The following PRKCQ variants were observed in gnomAD, a reference collection of about 807,000 sequenced individuals.
PRKCQ encodes protein kinase C theta.
PRKCQ carries 41 observed loss-of-function variants against 91.2 expected under a neutral mutation model. That is an observed-to-expected ratio of 0.45 (90% CI 0.35 to 0.58). PRKCQ has a LOEUF of 0.58. Ranked by LOEUF, PRKCQ falls within the 20% of genes least tolerant of loss-of-function variation. PRKCQ has a pLI of 0.00. For synonymous variants in PRKCQ, 307 were observed against 316.9 expected (o/e 0.97, Z 0.33); for missense variants, 673 against 896.5 (o/e 0.75, Z 3.18).
At chr10:6,461,096 CATT>C (rs1413952376) in intron 14 of PRKCQ, among the ~76,000 whole-genome samples, 1 of 128,468 alleles carries the variant, frequency 7.8e-6, no homozygotes, top group African/African-American at 2.8e-5. Context: ...ATTTATCCAT[CATT>C]TATCCATCCA....
chr10:6,477,673 G>A, intron 12 of PRKCQ, among the ~76,000 whole-genome samples: 1 of 152,174 alleles, frequency 6.6e-6, no homozygotes, highest in Non-Finnish European at 1.5e-5. Context: ...TTTGAGACCA[G>A]CCTGGCCAAC....
chr10:6,404,942 C>CCATCCTTT, the PRKCQ span, among the ~76,000 whole-genome samples: 69 of 62,590 alleles, frequency 1.1e-3, no homozygotes, highest in African/African-American at 4.7e-3. Context: ...CCCTTCCCTT[C>CCATCCTTT]CTTCCTTCCT....
intron 15 of PRKCQ, among the ~76,000 whole-genome samples, chr10:6,451,210 A>G (rs1353884753): frequency 6.7e-6 from 1 of 149,132 alleles, no homozygotes; most frequent in African/African-American, 2.5e-5. Context: ...AGAGAGAAGA[A>G]TCATATAAAC....
At chr10:6,451,690 C>G (rs1834689698) in intron 15 of PRKCQ, among the ~76,000 whole-genome samples, 1 of 152,048 alleles carries the variant, frequency 6.6e-6, no homozygotes, top group Non-Finnish European at 1.5e-5. Flanking sequence ...AAAATACTGG[C>G]AAACCGAATC....
intron 16 of PRKCQ, among the ~76,000 whole-genome samples, chr10:6,437,714 T>C (rs1012428364): frequency 1.3e-5 from 2 of 151,830 alleles, no homozygotes; most frequent in Non-Finnish European, 2.9e-5. Context: ...TGCAGTGGTG[T>C]GATCTCGGTT....
the PRKCQ span, among the ~76,000 whole-genome samples, chr10:6,413,537 G>GCA: frequency 2.2e-3 from 123 of 56,960 alleles, 16 homozygotes; most frequent in African/African-American, 0.013. Flanking sequence ...TGCCACTTGT[G>GCA]CACACACACA....
intron 1 of PRKCQ, among the ~76,000 whole-genome samples, chr10:6,568,925 G>A (rs1175413993): frequency 1.3e-5 from 2 of 152,010 alleles, no homozygotes; most frequent in Non-Finnish European, 2.9e-5. Context: ...TCACCTCCCG[G>A]AATTCTAAAC....
rs376609103 is a variant in PRKCQ at position 6,452,601 on chromosome 10, A to G, written c.1647+4073T>C. 3.8e-3 allele frequency among the ~76,000 whole-genome samples: 568 copies of G among 149,342 alleles called. 4 individuals are homozygous for G. Among genetic ancestry groups the G allele is most frequent in the African/African-American group, 0.014 (542 of 40,086 alleles). ...AAAGTTCATATGGAACCAAAAAAGA[A>G]CCCGCATCACCAAGTCAATCCTAAG... On this transcript the variant is annotated intron_variant, in intron 15 of 17. Coordinates refer to ENST00000263125, the MANE Select transcript of PRKCQ (RefSeq NM_006257.5).
intron 15 of PRKCQ, among the ~76,000 whole-genome samples, chr10:6,449,267 C>T (rs1282650627): frequency 4.1e-5 from 6 of 146,990 alleles, no homozygotes; most frequent in Non-Finnish European, 9.0e-5. Context: ...AGCCAAGGCT[C>T]GAGAACTACA....
chr10:6,540,817 C>T (rs1034921390), intron 1 of PRKCQ, among the ~76,000 whole-genome samples: 1 of 152,210 alleles, frequency 6.6e-6, no homozygotes, highest in Non-Finnish European at 1.5e-5. Flanking sequence ...CTGTTTTCCT[C>T]AGAGTCTGTA....
chr10:6,472,367 C>T (rs755205338), intron 12 of PRKCQ, among the ~76,000 whole-genome samples: 4 of 152,162 alleles, frequency 2.6e-5, no homozygotes, highest in Non-Finnish European at 5.9e-5. Flanking sequence ...TTCAGATGCA[C>T]TGAGTGAGTG....
At chr10:6,464,557 CT>C (rs1400841555) in intron 12 of PRKCQ, among the ~76,000 whole-genome samples, 153 bp from the exon 13 acceptor site, 3 of 152,212 alleles carry the variant, frequency 2.0e-5, no homozygotes, top group African/African-American at 7.2e-5. Flanking sequence ...TCAAGAGATT[CT>C]CCCGTCAGCC....
At chr10:6,486,176 G>A in intron 8 of PRKCQ, 32 bp from the exon 9 acceptor site, 4 of 1,562,786 alleles carry the variant, frequency 2.6e-6, no homozygotes, top group Non-Finnish European at 3.5e-6. Context: ...GTGAGCAAGA[G>A]TGGAAGAACC....
At chr10:6,541,242 T>A (rs1025059640) in intron 1 of PRKCQ, among the ~76,000 whole-genome samples, 2 of 152,240 alleles carry the variant, frequency 1.3e-5, no homozygotes, top group African/African-American at 4.8e-5. Flanking sequence ...GTTAAGCTGT[T>A]GACTCTGCGT....
chr10:6,405,381 G>A, the PRKCQ span, among the ~76,000 whole-genome samples: 1 of 152,202 alleles, frequency 6.6e-6, no homozygotes, highest in Non-Finnish European at 1.5e-5. Flanking sequence ...GCAGCTCTCC[G>A]TTTGCCGTCC....
At position 6,475,653 on chromosome 10, in the gene PRKCQ, C is replaced by A. The variant is rs377331864; in HGVS notation, c.1353+3339G>T. On this transcript the variant is annotated intron_variant, in intron 12 of 17. Transcript: ENST00000263125. The stretch of plus-strand genomic sequence containing the variant: ...TAATTTATCTTATCTGATGTCTACA[C>A]TAGCATACACAGGTAACTGTCCTCC... Among the ~76,000 whole-genome samples the A allele has an allele frequency of 5.9e-5, 9 of 152,334 alleles. No homozygotes were observed. In the East Asian group the frequency reaches 1.2e-3, roughly 20 times the overall value.
rs183465127 is a variant in PRKCQ at position 6,487,589 on chromosome 10, A to C, written c.791-1445T>G. ...TGAATCTTGAAAACAGTAGCATAGA[A>C]TCTAACTTCCATTGCCAGTGACCAA... On this transcript the variant is annotated intron_variant, in intron 8 of 17. Coordinates refer to ENST00000263125, the MANE Select transcript of PRKCQ (RefSeq NM_006257.5). Among the ~76,000 whole-genome samples the C allele has an allele frequency of 6.6e-5, 10 of 152,292 alleles. No homozygotes were observed. The East Asian group carries it at 1.7e-3, about 26-fold the overall frequency.
the PRKCQ span, among the ~76,000 whole-genome samples, chr10:6,417,111 G>A: frequency 1.3e-5 from 2 of 152,222 alleles, no homozygotes; most frequent in Non-Finnish European, 1.5e-5. Flanking sequence ...GTTATCTCAG[G>A]AAAACCTTAA....
At chr10:6,571,027 G>A (rs563927976) in intron 1 of PRKCQ, among the ~76,000 whole-genome samples, 4 of 152,240 alleles carry the variant, frequency 2.6e-5, no homozygotes, top group East Asian at 3.9e-4. Flanking sequence ...AGGGGACGGC[G>A]GAGGCAGGAG....
Sources: gnomAD v4.1 joint callset for allele counts (sites outside exome capture counted in the v4.1 genomes callset) on GRCh38, gnomAD v4.1.1 for gene constraint, MANE v1.5 for transcripts, NCBI Gene and HGNC (gene_info 2026-07-23, HGNC 2026-07-21) for gene names.